SLC24A2: variants seen among roughly 807,000 people sequenced by gnomAD.
The protein encoded by SLC24A2 is sodium/potassium/calcium exchanger 2.
SLC24A2 carries 36 observed loss-of-function variants against 62.0 expected under a neutral mutation model. That is an observed-to-expected ratio of 0.58 (90% CI 0.44 to 0.77). The LOEUF is 0.77. Among genes scored for constraint, SLC24A2 ranks in the 30% least tolerant of loss-of-function variants. The pLI, the probability that SLC24A2 is intolerant of heterozygous loss-of-function variation, is 0.00. For synonymous variants in SLC24A2, 358 were observed against 294.0 expected (o/e 1.22, Z -2.23); for missense variants, 846 against 817.9 (o/e 1.03, Z -0.42).
Position 19,761,462 on chromosome 9 carries a change from T to A in SLC24A2, c.930+24475A>T, listed in dbSNP as rs185012480. Among the ~76,000 whole-genome samples, 1,039 of 145,128 alleles carry A rather than the reference T, an allele frequency of 7.2e-3. 15 individuals are homozygous for A. The highest frequency in any genetic ancestry group is 7.1e-3 in the Non-Finnish European group (476 of 66,824). ...TGTTGGTTGCATAAATGTCATTTTT[T>A]AATTTTTTTATTTTATTTTATTTTA... On this transcript the variant is annotated intron_variant, in intron 2 of 10. Transcript: ENST00000341998.
At chr9:20,253,190 T>C in the SLC24A2 span, among the ~76,000 whole-genome samples, 1 of 152,224 alleles carries the variant, frequency 6.6e-6, no homozygotes, top group Non-Finnish European at 1.5e-5. Context: ...AATATTATGA[T>C]GCAGTAGAAA....
the SLC24A2 span, among the ~76,000 whole-genome samples, chr9:20,280,207 T>C: frequency 6.6e-6 from 1 of 152,176 alleles, no homozygotes; most frequent in East Asian, 1.9e-4. Context: ...TAAACGAAGA[T>C]GTGGCTCAGG....
chr9:20,038,950 G>GT, the SLC24A2 span, among the ~76,000 whole-genome samples: 2 of 152,166 alleles, frequency 1.3e-5, no homozygotes, highest in Non-Finnish European at 2.9e-5. Context: ...CTTAAAATGT[G>GT]TTTTTTAAGT....
In SLC24A2 at chr9:19,510,600, C is replaced by A. The variant is rs917448831; in HGVS notation, c.*5553G>T. ...GTAAGAGGACTGTCCTTTGGATTAG[C>A]GTGATAGGCTAGACAAACCCTCTTA... On this transcript the variant is annotated 3_prime_UTR_variant, in exon 11 of 11. Coordinates refer to ENST00000341998, the MANE Select transcript of SLC24A2 (RefSeq NM_020344.4). 22 of 152,118 alleles carry A rather than the reference C, an allele frequency of 1.4e-4. No individual in the cohort carries two copies. Among genetic ancestry groups the A allele is most frequent in the African/African-American group, 4.6e-4 (19 of 41,420 alleles). The allele number at this position is 152,118 out of a possible 1,614,324, so 9.4% of individuals were successfully genotyped here.
At chr9:19,869,891 C>A in the SLC24A2 span, among the ~76,000 whole-genome samples, 1 of 152,120 alleles carries the variant, frequency 6.6e-6, no homozygotes, top group Non-Finnish European at 1.5e-5. Context: ...GGTGTCACTT[C>A]CTTTCAATCT....
chr9:20,142,644 T>C, the SLC24A2 span, among the ~76,000 whole-genome samples: 1 of 152,186 alleles, frequency 6.6e-6, no homozygotes, highest in Non-Finnish European at 1.5e-5. Flanking sequence ...CAGCCTGGGA[T>C]GAAGTGCAGT....
At chr9:19,916,645 T>C in the SLC24A2 span, among the ~76,000 whole-genome samples, 1 of 151,964 alleles carries the variant, frequency 6.6e-6, no homozygotes, top group African/African-American at 2.4e-5. Flanking sequence ...TAGCATTATA[T>C]TGGGAGCAAT....
chr9:19,660,414 A>G (rs1026021059), intron 2 of SLC24A2, among the ~76,000 whole-genome samples: 1 of 152,176 alleles, frequency 6.6e-6, no homozygotes, highest in Non-Finnish European at 1.5e-5. Context: ...ACCAATGAAA[A>G]CAGACATTTC....
At chr9:19,542,926 G>C (rs1057505993) in intron 8 of SLC24A2, among the ~76,000 whole-genome samples, 4 of 152,120 alleles carry the variant, frequency 2.6e-5, no homozygotes, top group African/African-American at 9.7e-5. Context: ...GGCAGGTTTT[G>C]GTATCAGGAT....
At chr9:19,936,952 C>T in the SLC24A2 span, among the ~76,000 whole-genome samples, 2 of 152,100 alleles carry the variant, frequency 1.3e-5, no homozygotes, top group African/African-American at 4.8e-5. Context: ...CTTTTCAGAC[C>T]TTAAATTCTT....
chr9:20,210,575 G>A, the SLC24A2 span, among the ~76,000 whole-genome samples: 1 of 144,582 alleles, frequency 6.9e-6, no homozygotes, highest in Admixed American at 7.0e-5. Context: ...CCGGGTTCAC[G>A]CCATTCTCCT....
the SLC24A2 span, among the ~76,000 whole-genome samples, chr9:20,294,593 G>C: frequency 6.6e-6 from 1 of 152,178 alleles, no homozygotes; most frequent in South Asian, 2.1e-4. Context: ...CTCTGTATTA[G>C]AGAAAAACTT....
the SLC24A2 span, among the ~76,000 whole-genome samples, chr9:20,047,383 A>C: frequency 5.3e-5 from 8 of 151,866 alleles, no homozygotes; most frequent in Non-Finnish European, 2.9e-5. Context: ...TTAACACCAT[A>C]CCTGACAAAG....
chr9:19,813,836 C>T, the SLC24A2 span, among the ~76,000 whole-genome samples: 1 of 152,080 alleles, frequency 6.6e-6, no homozygotes, highest in African/African-American at 2.4e-5. Context: ...CATGTGAGGA[C>T]ATAGGGAGAA....
At chr9:20,204,890 C>T in the SLC24A2 span, among the ~76,000 whole-genome samples, 1,858 of 151,898 alleles carry the variant, frequency 0.012, 36 homozygotes, top group African/African-American at 0.043. Flanking sequence ...ACTACAGGCG[C>T]GCACCACCAC....
At chr9:20,146,613 T>A in the SLC24A2 span, among the ~76,000 whole-genome samples, 1 of 152,036 alleles carries the variant, frequency 6.6e-6, no homozygotes, top group Non-Finnish European at 1.5e-5. Flanking sequence ...CTCCCTGAGA[T>A]ATGGATCCTC....
intron 7 of SLC24A2, among the ~76,000 whole-genome samples, chr9:19,567,602 T>A (rs993976531): frequency 1.3e-5 from 2 of 151,240 alleles, no homozygotes; most frequent in Admixed American, 6.6e-5. Context: ...TCTTTCCTTT[T>A]TAACACAGCA....
At chr9:19,586,225 G>T (rs897788392) in intron 5 of SLC24A2, among the ~76,000 whole-genome samples, 9 of 152,132 alleles carry the variant, frequency 5.9e-5, no homozygotes, top group Admixed American at 5.9e-4. Flanking sequence ...CCTCAGAAGT[G>T]TTTCACTGAC....
the SLC24A2 span, among the ~76,000 whole-genome samples, chr9:20,059,274 C>CT: frequency 6.6e-6 from 1 of 152,114 alleles, no homozygotes; most frequent in Non-Finnish European, 1.5e-5. Flanking sequence ...ATAGAGATAA[C>CT]TTGAATAACA....
Sources: gnomAD v4.1 joint callset for allele counts (sites outside exome capture counted in the v4.1 genomes callset) on GRCh38, gnomAD v4.1.1 for gene constraint, MANE v1.5 for transcripts, NCBI Gene and HGNC (gene_info 2026-07-23, HGNC 2026-07-21) for gene names.